TLK1: variants seen among roughly 807,000 people sequenced by gnomAD.
TLK1 encodes the protein tousled like kinase 1, also known as serine/threonine-protein kinase tousled-like 1.
TLK1 carries 24 observed loss-of-function variants against 105.3 expected under a neutral mutation model. The observed-to-expected ratio is 0.23, with a 90% CI of 0.17 to 0.32. The LOEUF (loss-of-function observed/expected upper bound fraction) is 0.32, where lower values mean the gene tolerates loss of function less well. Among genes scored for constraint, TLK1 ranks in the 10% least tolerant of loss-of-function variants. TLK1 has a pLI of 1.00. For missense variants in TLK1, 558 were observed against 910.5 expected (o/e 0.61, Z 4.98); for synonymous variants, 321 against 310.4 (o/e 1.03, Z -0.36).
intron 20 of TLK1, among the ~76,000 whole-genome samples, chr2:170,995,391 C>G (rs1419167841): frequency 6.6e-6 from 1 of 151,652 alleles, no homozygotes; most frequent in Non-Finnish European, 1.5e-5. Context: ...ATTATATCCC[C>G]CCAACAACCC....
At chr2:171,011,344 TA>T (rs748464991) in intron 14 of TLK1, 28 bp downstream of exon 14, 46 of 1,559,394 alleles carry the variant, frequency 2.9e-5, no homozygotes, top group East Asian at 1.1e-4. Context: ...TACATTAGTG[TA>T]AAAAAAACAG....
chr2:171,005,135 T>C (rs1465321964), intron 18 of TLK1, among the ~76,000 whole-genome samples: 3 of 152,256 alleles, frequency 2.0e-5, no homozygotes, highest in African/African-American at 7.2e-5. Flanking sequence ...AACGCAGTTA[T>C]CTTTCTTCCA....
intron 1 of TLK1, among the ~76,000 whole-genome samples, chr2:171,193,460 G>A (rs1160095491): frequency 6.7e-6 from 1 of 149,006 alleles, no homozygotes; most frequent in African/African-American, 2.5e-5. Flanking sequence ...CCAGTGGCGC[G>A]ATCTCGGCTC....
At chr2:171,000,673 AG>A (rs901717880) in intron 18 of TLK1, among the ~76,000 whole-genome samples, 17 of 152,082 alleles carry the variant, frequency 1.1e-4, no homozygotes, top group African/African-American at 4.1e-4. Context: ...AAGAGATGAA[AG>A]GGGAGGCAGA....
At chr2:171,214,866 T>G (rs1693683795) in intron 1 of TLK1, among the ~76,000 whole-genome samples, 1 of 152,222 alleles carries the variant, frequency 6.6e-6, no homozygotes, top group Admixed American at 6.5e-5. Flanking sequence ...CTGTGATGTT[T>G]AAGTGAGTCA....
In TLK1 at chr2:171,005,694, C is replaced by T. The variant is rs80333803; in HGVS notation, c.1904+453G>A. Among the ~76,000 whole-genome samples the T allele has an allele frequency of 2.7e-3, 413 of 152,336 alleles. 1 individual carries two copies. The highest frequency in any genetic ancestry group is 4.9e-3 in the Non-Finnish European group (336 of 68,040). On this transcript the variant is annotated intron_variant, in intron 18 of 20. Coordinates refer to ENST00000431350, the MANE Select transcript of TLK1 (RefSeq NM_012290.5). ...GCTGCAATGAACTAAGATTACACCA[C>T]TGCACAGGGCAAGACCCTGTCTCAA...
chr2:171,107,188 T>C (rs779151942), intron 2 of TLK1, among the ~76,000 whole-genome samples: 3 of 152,224 alleles, frequency 2.0e-5, no homozygotes, highest in African/African-American at 4.8e-5. Flanking sequence ...GTGATTTGTG[T>C]AACTCCTACT....
chr2:170,993,485 CA>C lies in TLK1; in HGVS notation c.*294del. The C allele has an allele frequency of 3.9e-6, 1 of 253,662 alleles. No homozygotes were observed. Among genetic ancestry groups the C allele is most frequent in the Non-Finnish European group, 7.4e-6 (1 of 136,010 alleles). 15.7% of individuals were successfully genotyped at this position (253,662 alleles called of 1,614,324 possible). A position where few individuals can be genotyped will look rare whatever the true frequency, so the allele number is the denominator to read the frequency against. On this transcript the variant is annotated 3_prime_UTR_variant, in exon 21 of 21. Coordinates refer to ENST00000431350, the MANE Select transcript of TLK1 (RefSeq NM_012290.5). ...TATTTACAGTGTTCCCCCAAATAAA[CA>C]AAATTTTTTTCCTCTATCTTAACAT... is the stretch of plus-strand genomic sequence containing the variant.
chr2:171,180,935 TGGG>T (rs1692919161), intron 1 of TLK1, among the ~76,000 whole-genome samples: 1 of 151,794 alleles, frequency 6.6e-6, no homozygotes. Flanking sequence ...TTCAGAGACT[TGGG>T]GCTTTAAAAT....
At chr2:171,004,785 G>A (rs1337727020) in intron 18 of TLK1, among the ~76,000 whole-genome samples, 1 of 151,932 alleles carries the variant, frequency 6.6e-6, no homozygotes, top group Non-Finnish European at 1.5e-5. Flanking sequence ...AAAAAAAAAT[G>A]AGCCTTGTTG....
At chr2:171,177,114 T>A (rs1248318151) in intron 1 of TLK1, among the ~76,000 whole-genome samples, 1 of 151,592 alleles carries the variant, frequency 6.6e-6, no homozygotes, top group Non-Finnish European at 1.5e-5. Context: ...ATTACAGGCA[T>A]GAGCCAGTAT....
At chr2:171,096,531 T>C (rs1575593071) in intron 2 of TLK1, among the ~76,000 whole-genome samples, 1 of 151,694 alleles carries the variant, frequency 6.6e-6, no homozygotes, top group Admixed American at 6.6e-5. Context: ...CCAAGGCAGG[T>C]GGATCATTTG....
At chr2:171,157,465 C>T (rs1330062018) in intron 1 of TLK1, among the ~76,000 whole-genome samples, 12 of 152,290 alleles carry the variant, frequency 7.9e-5, no homozygotes, top group African/African-American at 2.9e-4. Context: ...ACTCCTCTAA[C>T]AGAACCACAA....
intron 3 of TLK1, among the ~76,000 whole-genome samples, chr2:171,062,605 T>A (rs997559100): frequency 1.3e-5 from 2 of 152,170 alleles, no homozygotes; most frequent in Non-Finnish European, 2.9e-5. Flanking sequence ...CATACAGTTA[T>A]TACTTGATAA....
chr2:171,041,915 A>C (rs1224048317), intron 11 of TLK1, among the ~76,000 whole-genome samples: 2 of 152,224 alleles, frequency 1.3e-5, no homozygotes, highest in Non-Finnish European at 2.9e-5. Context: ...TAGTTTGCCA[A>C]GTAGAGATGT....
intron 2 of TLK1, among the ~76,000 whole-genome samples, chr2:171,094,728 C>A (rs1002884084): frequency 1.3e-5 from 2 of 152,172 alleles, no homozygotes; most frequent in Admixed American, 6.5e-5. Flanking sequence ...CCTGCCTCAG[C>A]CTCCCGAGTA....
chr2:171,127,569 C>T (rs1404443623), intron 1 of TLK1, among the ~76,000 whole-genome samples: 1 of 152,042 alleles, frequency 6.6e-6, no homozygotes, highest in East Asian at 1.9e-4. Context: ...AGCCCAATTT[C>T]TTTTTCTAAC....
intron 2 of TLK1, among the ~76,000 whole-genome samples, chr2:171,111,585 CAA>C (rs34969114): frequency 9.5e-4 from 108 of 113,820 alleles, no homozygotes; most frequent in Middle Eastern, 9.1e-3. Context: ...ATCCTGTATT[CAA>C]AAAAAAAAAA....
At chr2:171,068,325 G>T (rs536302621) in intron 3 of TLK1, among the ~76,000 whole-genome samples, 2 of 151,850 alleles carry the variant, frequency 1.3e-5, no homozygotes, top group African/African-American at 4.8e-5. Flanking sequence ...GCAAAACTCC[G>T]CCTCAAAAAC....
Sources: allele counts gnomAD v4.1 joint callset (sites outside exome capture counted in the v4.1 genomes callset), GRCh38; gene constraint gnomAD v4.1.1; transcripts MANE v1.5; gene names NCBI Gene and HGNC (gene_info 2026-07-23, HGNC 2026-07-21).